PLAGL1: variants seen among roughly 807,000 people sequenced by gnomAD.
PLAGL1 encodes the protein PLAG1 like zinc finger 1.
In PLAGL1, 1 loss-of-function variant was observed where a neutral mutation model predicts 4.6. The ratio of observed to expected loss-of-function variants is 0.22; its 90% CI spans 0.08 to 1.03. The LOEUF (loss-of-function observed/expected upper bound fraction) is 1.03, where lower values mean the gene tolerates loss of function less well. PLAGL1 is among the 50% of genes least tolerant of loss of function. The probability of loss-of-function intolerance (pLI) is 0.58; values close to 1 mark genes in which losing one functional copy is unlikely to be tolerated. For missense variants in PLAGL1, 464 were observed against 570.4 expected, an observed-to-expected ratio of 0.81 and a Z score of 1.90; for synonymous variants, 240 against 237.8, an observed-to-expected ratio of 1.01 and a Z score of -0.08.
rs1030092887 is a variant in PLAGL1 at position 144,064,098 on chromosome 6, G to A, written c.-151+370C>T. On this transcript the variant is annotated intron_variant, in intron 1 of 3. Transcript: ENST00000437412. This position sits in a 1 kb window ranked among gnomAD's most constrained non-coding sequence, Gnocchi z 6.8. The stretch of plus-strand genomic sequence containing the variant: ...CCGGGAGGCGGCGACCTGCCTCCGC[G>A]CGGGGACAGTGGCCGGCGGGGCGGG... Among the ~76,000 whole-genome samples, 7 of 152,162 alleles carry A rather than the reference G, an allele frequency of 4.6e-5. No individual in the cohort carries two copies. Among genetic ancestry groups the A allele is most frequent in the African/African-American group, 1.7e-4 (7 of 41,448 alleles).
rs1385617487 is a variant in PLAGL1, at chr6:144,015,599, AT to A, written c.-150-46622del. Among the ~76,000 whole-genome samples, 3 of 152,244 alleles carry A rather than the reference AT, an allele frequency of 2.0e-5. No homozygotes were observed. Among genetic ancestry groups the A allele is most frequent in the African/African-American group, 7.2e-5 (3 of 41,476 alleles). On this transcript the variant is annotated intron_variant, in intron 1 of 3. Coordinates refer to the PLAGL1 transcript ENST00000437412. The surrounding 1 kb of genome is among the most constrained non-coding windows in gnomAD (Gnocchi z 4.3). ...AACAATACACTTCACTAAATAAGAC[AT>A]GTGAAGGGCCAAGAAGTCCAAGAAT... is the stretch of plus-strand genomic sequence containing the variant.
In PLAGL1 at chr6:143,953,153, G is replaced by A. The variant is rs893112829; in HGVS notation, c.-324-4693C>T. Among the ~76,000 whole-genome samples the A allele has an allele frequency of 6.6e-6, 1 of 152,314 alleles. No homozygotes were observed. The highest frequency in any genetic ancestry group is 6.5e-5 in the Admixed American group (1 of 15,308). On this transcript the variant is annotated intron_variant, in intron 6 of 7. Transcript: ENST00000674357. This position sits in a 1 kb window ranked among gnomAD's most constrained non-coding sequence, Gnocchi z 5.3. The stretch of plus-strand genomic sequence containing the variant: ...CTCTGTCACTGCCAGGCAGAGGCAC[G>A]AGTTCCTCCTCCACACGGTGAGGTG...
rs568800867 is a variant in PLAGL1 at position 143,999,863 on chromosome 6, A to T, written c.-584+8227T>A. On this transcript the variant is annotated intron_variant, in intron 1 of 7. Transcript: ENST00000674357. Reference sequence around the variant, plus strand: ...ATGAAGAAAAAAACGAGTACTTCCTAGGGCTAAGCACAATTCTTACCCCTT... The same window carrying T: ...ATGAAGAAAAAAACGAGTACTTCCTTGGGCTAAGCACAATTCTTACCCCTT... Among the ~76,000 whole-genome samples, 378 of 152,334 alleles carry T rather than the reference A, an allele frequency of 2.5e-3. 3 individuals carry two copies. Among genetic ancestry groups the T allele is most frequent in the African/African-American group, 8.2e-3 (343 of 41,582 alleles).
In PLAGL1 at chr6:143,941,334, G is replaced by A. The variant is rs150413533; in HGVS notation, c.*90C>T. The stretch of plus-strand genomic sequence containing the variant: ...CTGAATAAGCCATAGTCCCAGTCTC[G>A]TTTTCCAAATCTTTCTCATATTGTA... On this transcript the variant is annotated 3_prime_UTR_variant, in exon 8 of 8. Coordinates refer to ENST00000674357, the MANE Select transcript of PLAGL1 (RefSeq NM_001317162.2). This position sits in a 1 kb window ranked among gnomAD's most constrained non-coding sequence, Gnocchi z 6.0. 22,656 of 1,051,550 alleles carry A rather than the reference G, an allele frequency of 0.022. 323 individuals carry two copies. The highest frequency in any genetic ancestry group is 0.027 in the Non-Finnish European group (20,515 of 746,214). The allele number at this position is 1,051,550 out of a possible 1,614,324, so 65.1% of individuals were successfully genotyped here.
At chr6:144,012,526 C>T (rs1439473763), upstream of PLAGL1, among the ~76,000 whole-genome samples, 1 of 152,122 alleles carries the variant, frequency 6.6e-6, no homozygotes, top group Non-Finnish European at 1.5e-5. This position sits in a 1 kb window ranked among gnomAD's most constrained non-coding sequence, Gnocchi z 4.8. Flanking sequence ...CGTGAGCCAC[C>T]ATGCCTGGAT....
In PLAGL1 at chr6:144,056,036, A is replaced by G. The variant is rs1302761381; in HGVS notation, c.-151+8432T>C. On this transcript the variant is annotated intron_variant, in intron 1 of 3. Coordinates refer to the PLAGL1 transcript ENST00000437412. The surrounding 1 kb of genome is among the most constrained non-coding windows in gnomAD (Gnocchi z 4.7). ...CAGAAGTACCACAGAGAAGTTCAAC[A>G]TGGTAAAAGATGACTCACTTTTCTT... Among the ~76,000 whole-genome samples, 1 of 152,198 alleles carries G rather than the reference A, an allele frequency of 6.6e-6. No individual in the cohort carries two copies. Among genetic ancestry groups the G allele is most frequent in the Admixed American group, 6.5e-5 (1 of 15,274 alleles).
intron 1 of PLAGL1, among the ~76,000 whole-genome samples, chr6:144,030,281 A>AAAAAAAAAAAAAAAAAAAAAAG (rs1296064916): frequency 1.5e-5 from 2 of 132,968 alleles, no homozygotes; most frequent in African/African-American, 6.3e-5. Flanking sequence ...AAAAAAAAAA[A>AAAAAAAAAAAAAAAAAAAAAAG]AAGAAGATGT....
At chr6:144,049,722 A>C (rs1158418721) in intron 1 of PLAGL1, among the ~76,000 whole-genome samples, 2 of 152,190 alleles carry the variant, frequency 1.3e-5, no homozygotes, top group Non-Finnish European at 2.9e-5. Flanking sequence ...TGGGGATTAC[A>C]ATTTCAAGAT....
upstream of PLAGL1, among the ~76,000 whole-genome samples, chr6:144,010,227 G>A (rs1795068112): frequency 1.3e-5 from 2 of 152,080 alleles, no homozygotes; most frequent in East Asian, 1.9e-4. The surrounding 1 kb of genome is among the most constrained non-coding windows in gnomAD (Gnocchi z 4.1). Context: ...GGCATGAGAT[G>A]TTACCTGATA....
Position 144,061,977 on chromosome 6 carries a change from CTTT to C in PLAGL1, c.-151+2488_-151+2490del, listed in dbSNP as rs1188689713. Reference sequence around the variant, plus strand: ...ATGTAGGACCCATTTTGAGCTTTTTCTTTTTTGTTTGTTTTGTTTTTTAACCAC... The same window carrying C: ...ATGTAGGACCCATTTTGAGCTTTTTCTTTGTTTGTTTTGTTTTTTAACCAC... On this transcript the variant is annotated intron_variant, in intron 1 of 3. Coordinates refer to the PLAGL1 transcript ENST00000437412. The surrounding 1 kb of genome is among the most constrained non-coding windows in gnomAD (Gnocchi z 4.4). Among the ~76,000 whole-genome samples the C allele has an allele frequency of 6.6e-6, 1 of 152,144 alleles. No homozygotes were observed. Among genetic ancestry groups the C allele is most frequent in the East Asian group, 1.9e-4 (1 of 5,200 alleles).
chr6:144,001,708 G>A (rs909570456), intron 1 of PLAGL1, among the ~76,000 whole-genome samples: 2 of 152,116 alleles, frequency 1.3e-5, no homozygotes, highest in South Asian at 4.1e-4. Context: ...CTTGCCATGT[G>A]ATCAAAGTTA....
chr6:144,013,948 T>A lies in PLAGL1; in HGVS notation c.-150-44970A>T, dbSNP rs1039973310. ...AATATTTTCGAGGGTCATCAGTCAGTCCTCATGTCAAAGTTGACATGGGCA... is the reference window on the plus strand; with the variant it reads ...AATATTTTCGAGGGTCATCAGTCAGACCTCATGTCAAAGTTGACATGGGCA... On this transcript the variant is annotated intron_variant, in intron 1 of 3. Transcript: ENST00000437412. The surrounding 1 kb of genome is among the most constrained non-coding windows in gnomAD (Gnocchi z 4.4). Among the ~76,000 whole-genome samples, 1 of 152,192 alleles carries A rather than the reference T, an allele frequency of 6.6e-6. No individual in the cohort carries two copies. Among genetic ancestry groups the A allele is most frequent in the Non-Finnish European group, 1.5e-5 (1 of 68,030 alleles).
Position 143,968,215 on chromosome 6 carries a change from C to A in PLAGL1, c.-472+692G>T, listed in dbSNP as rs1044206581. The A allele has an allele frequency of 1.3e-5, 2 of 152,104 alleles. No individual in the cohort carries two copies. Among genetic ancestry groups the A allele is most frequent in the African/African-American group, 4.8e-5 (2 of 41,426 alleles). 9.4% of individuals were successfully genotyped at this position (152,104 alleles called of 1,614,324 possible). A position where few individuals can be genotyped will look rare whatever the true frequency, so the allele number is the denominator to read the frequency against. ...CTTGAAATAGGCAGTTCAAACAAAT[C>A]CTAATCTTTACATGAGTGATAGAAA... On this transcript the variant is annotated intron_variant, in intron 3 of 7. Transcript: ENST00000674357. The surrounding 1 kb of genome is among the most constrained non-coding windows in gnomAD (Gnocchi z 6.3).
intron 1 of PLAGL1, among the ~76,000 whole-genome samples, chr6:144,014,921 T>C (rs568915178): frequency 1.1e-4 from 17 of 152,214 alleles, no homozygotes; most frequent in Admixed American, 9.2e-4. Flanking sequence ...CATAATTCCA[T>C]TGGAAAGAGA....
intron 1 of PLAGL1, among the ~76,000 whole-genome samples, chr6:144,031,393 C>T (rs760452937): frequency 6.6e-6 from 1 of 152,106 alleles, no homozygotes; most frequent in Non-Finnish European, 1.5e-5. Flanking sequence ...GTTGCTTTTG[C>T]TCTTGGATTC....
rs1360246167 is a variant in PLAGL1 at position 143,989,177 on chromosome 6, G to T, written c.-583-4003C>A. 4.6e-5 allele frequency among the ~76,000 whole-genome samples: 7 copies of T among 152,112 alleles called. No individual in the cohort carries two copies. Among genetic ancestry groups the T allele is most frequent in the Non-Finnish European group, 1.5e-5 (1 of 68,022 alleles). On this transcript the variant is annotated intron_variant, in intron 1 of 7. Coordinates refer to ENST00000674357, the MANE Select transcript of PLAGL1 (RefSeq NM_001317162.2). The surrounding 1 kb of genome is among the most constrained non-coding windows in gnomAD (Gnocchi z 4.8). Reference sequence around the variant, plus strand: ...TCAGTGTGTCTGGGGGTGCCCCAGGGGACATTAAAAACGCACAGAAACAAT... The same window carrying T: ...TCAGTGTGTCTGGGGGTGCCCCAGGTGACATTAAAAACGCACAGAAACAAT...
chr6:143,984,459 A>G lies in PLAGL1; in HGVS notation c.-544+676T>C, dbSNP rs1428562357. On this transcript the variant is annotated intron_variant, in intron 2 of 7. Transcript: ENST00000674357. This position sits in a 1 kb window ranked among gnomAD's most constrained non-coding sequence, Gnocchi z 5.5. ...AAATGACCATATGCTCATTTTCCAT[A>G]TAATATCAGTTAACATCCTAAGGAA... Among the ~76,000 whole-genome samples the G allele has an allele frequency of 6.6e-6, 1 of 152,086 alleles. No individual in the cohort carries two copies. Among genetic ancestry groups the G allele is most frequent in the Non-Finnish European group, 1.5e-5 (1 of 68,010 alleles).
intron 1 of PLAGL1, among the ~76,000 whole-genome samples, chr6:143,992,903 GGGA>G (rs1562518230): frequency 2.6e-5 from 4 of 151,972 alleles, no homozygotes; most frequent in Non-Finnish European, 5.9e-5. Flanking sequence ...ACTTGAACCT[GGGA>G]GGTGGAGGTT....
In PLAGL1 at chr6:144,053,706, T is replaced by C. The variant is rs1452064347; in HGVS notation, c.-151+10762A>G. 2.0e-5 allele frequency among the ~76,000 whole-genome samples: 3 copies of C among 152,166 alleles called. No individual in the cohort carries two copies. The highest frequency in any genetic ancestry group is 4.4e-5 in the Non-Finnish European group (3 of 68,040). On this transcript the variant is annotated intron_variant, in intron 1 of 3. Coordinates refer to the PLAGL1 transcript ENST00000437412. This position sits in a 1 kb window ranked among gnomAD's most constrained non-coding sequence, Gnocchi z 4.0. ...TCGGGGATGGCAAATACATGGAAAA[T>C]GATCAGCTGTCTTCCTCATCCTCTA...
Sources: gnomAD v4.1 joint callset for allele counts (sites outside exome capture counted in the v4.1 genomes callset) on GRCh38, gnomAD v4.1.1 for gene constraint, Gnocchi (gnomAD v3.1) non-coding constraint, MANE v1.5 for transcripts, NCBI Gene and HGNC (gene_info 2026-07-23, HGNC 2026-07-21) for gene names.